Variants in PIGG observed in about 807,000 individuals in gnomAD.
PIGG encodes the protein phosphatidylinositol glycan anchor biosynthesis class G (EMM blood group).
Under a neutral mutation model 83.2 loss-of-function variants are expected in PIGG, and 70 were observed. The ratio of observed to expected loss-of-function variants is 0.84; its 90% CI spans 0.69 to 1.03. The LOEUF is 1.03. PIGG is among the 50% of genes least tolerant of loss of function. The probability of loss-of-function intolerance (pLI) is 0.00; values close to 1 mark genes in which losing one functional copy is unlikely to be tolerated. For synonymous variants in PIGG, 532 were observed against 519.5 expected (o/e 1.02, Z -0.33); for missense variants, 1,257 against 1,233.6 (o/e 1.02, Z -0.28).
Position 523,703 on chromosome 4 carries a change from C to G in PIGG, c.1859C>G (p.Ala620Gly). 6.2e-7 allele frequency: 1 copy of G among 1,614,188 alleles called. No homozygotes were observed. Among genetic ancestry groups the G allele is most frequent in the Non-Finnish European group, 8.5e-7 (1 of 1,180,014 alleles). ...GAACAAGGGCATGACGGGGCCACAG[C>G]AGCGTGGCAGGACGGGCCTGGCTGT... ...CVEQGHDGATAAWQDGPGCDV... is the reference protein window; with the variant it reads ...CVEQGHDGATGAWQDGPGCDV... Residue 620 changes from alanine to glycine, a missense_variant, in exon 9 of 13, where the codon GCA becomes GGA. Ala to Gly is a moderately conservative substitution (Grantham distance 60, BLOSUM62 0). Coordinates refer to ENST00000453061, the MANE Select transcript of PIGG (RefSeq NM_001127178.3).
rs141442388 is a variant in PIGG, at chr4:523,543, G to A, written c.1699G>A (p.Ala567Thr). Residue 567 changes from alanine to threonine, a missense_variant, in exon 9 of 13, where the codon GCC becomes ACC. Transcript: ENST00000453061. ...GTAGHVLSLG[A>T]SSFVEEEHQT... ...GGCGGGCCACGTCTTGAGCCTGGGC[G>A]CCAGCAGCTTCGTGGAGGAGGAGCA... The A allele has an allele frequency of 2.9e-4, 470 of 1,614,158 alleles. 3 individuals carry two copies. The highest frequency in any genetic ancestry group is 3.2e-4 in the Non-Finnish European group (377 of 1,180,012).
chr4:535,748 G>T (rs577006281), intron 12 of PIGG, among the ~76,000 whole-genome samples: 10 of 152,136 alleles, frequency 6.6e-5, no homozygotes, highest in African/African-American at 2.2e-4. Context: ...GCATCTGCAC[G>T]TTTCTGTGGT....
Position 533,924 on chromosome 4 carries a change from C to T in PIGG, c.2678C>T (p.Ala893Val). Residue 893 changes from alanine (A) to valine (V), a missense_variant, in exon 12 of 13, where the codon GCA becomes GTA. By Grantham distance (64) the Ala-to-Val change is moderately conservative. Transcript: ENST00000453061. The stretch of plus-strand genomic sequence containing the variant: ...CTCCTGACAGCGTTTGGGACGTACG[C>T]AGGGCCTGTGCTGTGGGCCAGCCAC... ...AVLLTAFGTY[A>V]GPVLWASHLV... The T allele has an allele frequency of 6.2e-7, 1 of 1,614,190 alleles. No individual in the cohort carries two copies. The highest frequency in any genetic ancestry group is 8.5e-7 in the Non-Finnish European group (1 of 1,180,000).
chr4:520,670 T>C (rs746647499), intron 6 of PIGG, among the ~76,000 whole-genome samples: 1 of 152,164 alleles, frequency 6.6e-6, no homozygotes, highest in Non-Finnish European at 1.5e-5. Flanking sequence ...ACATAATGCA[T>C]TTCAGGATTG....
chr4:527,215 G>A lies in PIGG; in HGVS notation c.2246G>A (p.Ser749Asn). Residue 749 changes from serine to asparagine, a missense_variant, in exon 10 of 13, where the codon AGC becomes AAC. Transcript: ENST00000453061. ...GTCCGGTTCCCGTGGCGGCCGGACA[G>A]CAAGGACATTTCCAAGTAAGTGCGT... The part of the protein sequence containing the change: ...GSVRFPWRPD[S>N]KDISKGIIEA... The A allele has an allele frequency of 6.3e-7, 1 of 1,595,670 alleles. No homozygotes were observed. Among genetic ancestry groups the A allele is most frequent in the East Asian group, 2.2e-5 (1 of 44,640 alleles).
intron 8 of PIGG, chr4:522,270 A>G: frequency 1.8e-6 from 1 of 556,996 alleles, no homozygotes; most frequent in Non-Finnish European, 3.2e-6. Flanking sequence ...GGGTGTGTGA[A>G]TCGGACAGCC....
rs538889150 is a variant in PIGG at position 534,819 on chromosome 4, A to C, written c.2735+838A>C. ...TCCCAGATCAAGGGTGCAGCCCCCC[A>C]TCCACACACCCGTTTCCTGGCGGTT... is the stretch of plus-strand genomic sequence containing the variant. On this transcript the variant is annotated intron_variant, in intron 12 of 12. Coordinates refer to ENST00000453061, the MANE Select transcript of PIGG (RefSeq NM_001127178.3). Among the ~76,000 whole-genome samples the C allele has an allele frequency of 4.7e-4, 70 of 148,028 alleles. 1 individual carries two copies. The highest frequency in any genetic ancestry group is 1.6e-3 in the African/African-American group (65 of 39,432).
chr4:500,490 G>T lies in PIGG; in HGVS notation c.249G>T (p.Gly83=). 1.2e-6 allele frequency: 2 copies of T among 1,613,060 alleles called. No homozygotes were observed. Among genetic ancestry groups the T allele is most frequent in the African/African-American group, 1.3e-5 (1 of 74,964 alleles). The change falls in exon 2 of 13, where the codon GGG becomes GGT. Residue 83 remains glycine (G), a synonymous_variant. Coordinates refer to ENST00000453061, the MANE Select transcript of PIGG (RefSeq NM_001127178.3). The part of the protein sequence containing the change: ...IDALRDDFVF[G]SKGVKFMPYT... Reference sequence around the variant, plus strand: ...CCTTGAGAGATGATTTTGTGTTTGGGTCAAAGGGTGTGAAATTTATGCCCT... The same window carrying T: ...CCTTGAGAGATGATTTTGTGTTTGGTTCAAAGGGTGTGAAATTTATGCCCT...
chr4:513,418 G>A (rs971731772), intron 5 of PIGG, among the ~76,000 whole-genome samples: 8 of 152,142 alleles, frequency 5.3e-5, no homozygotes, highest in South Asian at 2.1e-4. Context: ...GCCCACCACC[G>A]CCCACCCCTA....
chr4:518,551 A>T (rs554385407), intron 6 of PIGG, among the ~76,000 whole-genome samples: 1 of 152,156 alleles, frequency 6.6e-6, no homozygotes, highest in African/African-American at 2.4e-5. Flanking sequence ...CGAGATGGCG[A>T]CACTGCACTC....
At chr4:531,763 G>A (rs1234983671) in intron 11 of PIGG, 1 of 152,566 alleles carries the variant, frequency 6.6e-6, no homozygotes, top group Non-Finnish European at 1.5e-5. Flanking sequence ...CGACCCTTCT[G>A]ATCCGCTCAG....
chr4:535,653 C>T (rs1334565687), intron 12 of PIGG, among the ~76,000 whole-genome samples: 1 of 152,176 alleles, frequency 6.6e-6, no homozygotes, highest in African/African-American at 2.4e-5. Context: ...CCGTCGCTCT[C>T]GCGGTGCTGA....
At chr4:509,070 G>T in intron 5 of PIGG, 100 bp downstream of exon 5, 1 of 957,266 alleles carries the variant, frequency 1.0e-6, no homozygotes, top group Non-Finnish European at 1.6e-6. Context: ...GCTCCATAAG[G>T]TTGAAGTCCC....
chr4:527,125 T>C lies in PIGG; in HGVS notation c.2156T>C (p.Val719Ala). ...FVLVQRGCSPVSKAALALGLL... is the reference protein window; with the variant it reads ...FVLVQRGCSPASKAALALGLL... ...CTGGTGCAGAGGGGGTGCTCCCCTG[T>C]GTCCAAGGCTGCCCTGGCGCTGGGG... Residue 719 changes from valine (V) to alanine (A), a missense_variant, in exon 10 of 13, where the codon GTG becomes GCG. Transcript: ENST00000453061. The C allele has an allele frequency of 3.7e-6, 6 of 1,614,212 alleles. No homozygotes were observed. The highest frequency in any genetic ancestry group is 5.1e-6 in the Non-Finnish European group (6 of 1,180,034).
intron 5 of PIGG, among the ~76,000 whole-genome samples, chr4:514,651 T>C (rs1018484961): frequency 2.0e-5 from 3 of 152,326 alleles, no homozygotes; most frequent in African/African-American, 7.2e-5. Flanking sequence ...GATAAAATGA[T>C]CTTGTGTTTG....
In PIGG at chr4:507,459, G is replaced by T; in HGVS notation, c.625G>T (p.Asp209Tyr). The stretch of plus-strand genomic sequence containing the variant: ...TAAAGTATTAAAAAGAGGAGATTGG[G>T]ACATATTAATCCTCCACTACCTGGG... ...LDKVLKRGDWDILILHYLGLD... is the reference protein window; with the variant it reads ...LDKVLKRGDWYILILHYLGLD... The change falls in exon 4 of 13, where the codon GAC becomes TAC. Residue 209 changes from aspartate to tyrosine, a missense_variant. Transcript: ENST00000453061. 6.2e-7 allele frequency: 1 copy of T among 1,613,934 alleles called. No individual in the cohort carries two copies. The highest frequency in any genetic ancestry group is 8.5e-7 in the Non-Finnish European group (1 of 1,179,820).
chr4:527,888 C>T (rs1022488481), intron 10 of PIGG: 1 of 985,268 alleles, frequency 1.0e-6, no homozygotes, highest in Non-Finnish European at 1.2e-6. Flanking sequence ...GGGTGACCCT[C>T]TATTTAAATT....
Position 505,919 on chromosome 4 carries a change from T to C in PIGG, c.562T>C (p.Tyr188His). Residue 188 changes from tyrosine to histidine, a missense_variant, in exon 3 of 13, where the codon TAC becomes CAC. Physicochemically the swap from Tyr to His is moderately conservative, Grantham distance 83. Coordinates refer to ENST00000453061, the MANE Select transcript of PIGG (RefSeq NM_001127178.3). The part of the protein sequence containing the change: ...DGTTSFFVSD[Y>H]TEVDNNVTRH... Reference sequence around the variant, plus strand: ...AACAACCTCATTTTTCGTGTCAGATTACACAGAGGTCAGTTTTTAAAATAA... The same window carrying C: ...AACAACCTCATTTTTCGTGTCAGATCACACAGAGGTCAGTTTTTAAAATAA... 1 of 1,608,676 alleles carries C rather than the reference T, an allele frequency of 6.2e-7. No individual in the cohort carries two copies. Among genetic ancestry groups the C allele is most frequent in the East Asian group, 2.2e-5 (1 of 44,848 alleles).
At chr4:533,766 T>TCACGCTAACATC in intron 11 of PIGG, 52 bp from the exon 12 acceptor site, 1 of 1,558,130 alleles carries the variant, frequency 6.4e-7, no homozygotes, top group Non-Finnish European at 8.8e-7. Flanking sequence ...ACATCGTGGC[T>TCACGCTAACATC]GTTGATGCCA....
Sources: allele counts gnomAD v4.1 joint callset (sites outside exome capture counted in the v4.1 genomes callset), GRCh38; gene constraint gnomAD v4.1.1; transcripts MANE v1.5; gene names NCBI Gene and HGNC (gene_info 2026-07-23, HGNC 2026-07-21).